Variants in PCDHGA10 observed in about 807,000 individuals in gnomAD.
PCDHGA10 encodes protocadherin gamma-A10.
In PCDHGA10, 42 loss-of-function variants were observed where a neutral mutation model predicts 59.5. The ratio of observed to expected loss-of-function variants is 0.71; its 90% CI spans 0.55 to 0.91. PCDHGA10 has a LOEUF of 0.91. PCDHGA10 is among the 40% of genes least tolerant of loss of function. The pLI is 0.00. For synonymous variants in PCDHGA10, 511 were observed against 517.2 expected (o/e 0.99, Z 0.16); for missense variants, 1,111 against 1,198.2 (o/e 0.93, Z 1.07).
intron 1 of PCDHGA10, chr5:141,420,969 A>G (rs2096536141): frequency 2.3e-6 from 1 of 443,064 alleles, no homozygotes; most frequent in Admixed American, 4.0e-5. Flanking sequence ...TTGCAATAAT[A>G]AGAATGGGCT....
intron 2 of PCDHGA10, among the ~76,000 whole-genome samples, chr5:141,497,522 G>A (rs998999424): frequency 3.3e-5 from 5 of 150,848 alleles, no homozygotes; most frequent in African/African-American, 4.9e-5. Flanking sequence ...TAGTTAACTT[G>A]TGGAGGATGC....
At chr5:141,448,523 A>G (rs2098593853) in intron 1 of PCDHGA10, among the ~76,000 whole-genome samples, 1 of 152,166 alleles carries the variant, frequency 6.6e-6, no homozygotes, top group African/African-American at 2.4e-5. Context: ...TTTATTAAGC[A>G]TCCTGTCAGC....
At chr5:141,422,959 C>G in intron 1 of PCDHGA10, 1 of 1,614,234 alleles carries the variant, frequency 6.2e-7, no homozygotes, top group Non-Finnish European at 8.5e-7. Flanking sequence ...TGGCGTGGAG[C>G]TGGCGCCCCG....
Position 141,512,288 on chromosome 5 carries a change from TCAGCGGAGCCCCAGCAGGAAGGGTGGGC to T in PCDHGA10, c.*1120_*1147del, listed in dbSNP as rs1375137843. The T allele has an allele frequency of 6.5e-6, 1 of 152,680 alleles. No individual in the cohort carries two copies. Among genetic ancestry groups the T allele is most frequent in the Non-Finnish European group, 1.5e-5 (1 of 68,182 alleles). The allele number at this position is 152,680 out of a possible 1,614,324, so 9.5% of individuals were successfully genotyped here. ...TCCAGAGGTGCCACTGGTGGAAGGG[TCAGCGGAGCCCCAGCAGGAAGGGTGGGC>T]CAGCCAGGCCATTCTTAGTCCCTGG... On this transcript the variant is annotated 3_prime_UTR_variant, in exon 4 of 4. Coordinates refer to ENST00000398610, the MANE Select transcript of PCDHGA10 (RefSeq NM_018913.3).
chr5:141,477,951 G>T lies in PCDHGA10; in HGVS notation c.2437-16856G>T. 3 of 1,614,120 alleles carry T rather than the reference G, an allele frequency of 1.9e-6. No homozygotes were observed. The highest frequency in any genetic ancestry group is 2.5e-6 in the Non-Finnish European group (3 of 1,180,024). Reference sequence around the variant, plus strand: ...GCCTGGCTCTCCTACAGTCTCTTGGGATCCCCTAACCAGAGCCTTTTTGCC... The same window carrying T: ...GCCTGGCTCTCCTACAGTCTCTTGGTATCCCCTAACCAGAGCCTTTTTGCC... On this transcript the variant is annotated intron_variant, in intron 1 of 3. Transcript: ENST00000398610. The surrounding 1 kb of genome is among the most constrained non-coding windows in gnomAD (Gnocchi z 4.9).
At chr5:141,426,427 G>A in intron 1 of PCDHGA10, 2 of 293,710 alleles carry the variant, frequency 6.8e-6, no homozygotes, top group Non-Finnish European at 1.3e-5. Context: ...CTCCGTGGTG[G>A]GGAACCTTGC....
At position 141,447,140 on chromosome 5, in the gene PCDHGA10, T is replaced by C. The variant is rs770212881; in HGVS notation, c.2436+31529T>C. ...ATGGATTTTTTTGTTTGTTTGTTTT[T>C]TGTTTTTGTTTTTGTTTAAGCGGGG... On this transcript the variant is annotated intron_variant, in intron 1 of 3. Coordinates refer to ENST00000398610, the MANE Select transcript of PCDHGA10 (RefSeq NM_018913.3). Among the ~76,000 whole-genome samples the C allele has an allele frequency of 6.6e-5, 10 of 152,158 alleles. 1 individual carries two copies. Among genetic ancestry groups the C allele is most frequent in the Non-Finnish European group, 1.2e-4 (8 of 68,042 alleles).
chr5:141,415,684 A>G, intron 1 of PCDHGA10, 73 bp downstream of exon 1: 2 of 1,437,842 alleles, frequency 1.4e-6, no homozygotes, highest in Non-Finnish European at 1.9e-6. Flanking sequence ...TTGCGGCATG[A>G]TGGTGGAAAG....
intron 1 of PCDHGA10, among the ~76,000 whole-genome samples, chr5:141,437,926 T>C (rs1374182368): frequency 2.6e-5 from 4 of 152,058 alleles, no homozygotes; most frequent in Admixed American, 1.3e-4. Context: ...TTAGTAGAGA[T>C]GGGGTTTCAC....
At chr5:141,419,184 T>A in intron 1 of PCDHGA10, 1 of 1,613,938 alleles carries the variant, frequency 6.2e-7, no homozygotes, top group Non-Finnish European at 8.5e-7. Context: ...ACCCTGCACA[T>A]TACTGACGTC....
intron 1 of PCDHGA10, chr5:141,423,638 A>G (rs771989468): frequency 2.5e-6 from 4 of 1,598,292 alleles, no homozygotes; most frequent in Non-Finnish European, 3.4e-6. Context: ...ATTTTAGGCA[A>G]ATGTGACCCG....
rs2099615817 is a variant in PCDHGA10 at position 141,485,564 on chromosome 5, C to G, written c.2437-9243C>G. On this transcript the variant is annotated intron_variant, in intron 1 of 3. Coordinates refer to ENST00000398610, the MANE Select transcript of PCDHGA10 (RefSeq NM_018913.3). This position sits in a 1 kb window ranked among gnomAD's most constrained non-coding sequence, Gnocchi z 5.7. ...GATCGTAGATGTGAATGATCACGCCCCCCGTTTTCCGCGGCAGCAGCTGGA... is the reference window on the plus strand; with the variant it reads ...GATCGTAGATGTGAATGATCACGCCGCCCGTTTTCCGCGGCAGCAGCTGGA... 6.2e-7 allele frequency: 1 copy of G among 1,612,958 alleles called. No individual in the cohort carries two copies. The highest frequency in any genetic ancestry group is 8.5e-7 in the Non-Finnish European group (1 of 1,179,052).
In PCDHGA10 at chr5:141,432,976, C is replaced by T; in HGVS notation, c.2436+17365C>T. 1 of 1,614,210 alleles carries T rather than the reference C, an allele frequency of 6.2e-7. No individual in the cohort carries two copies. On this transcript the variant is annotated intron_variant, in intron 1 of 3. Transcript: ENST00000398610. The surrounding 1 kb of genome is among the most constrained non-coding windows in gnomAD (Gnocchi z 6.0). Reference sequence around the variant, plus strand: ...GCTTGACAGGAGCGCCGGCGTCGCACTTTGTGGGCGTGGACGGGGTGCAGG... The same window carrying T: ...GCTTGACAGGAGCGCCGGCGTCGCATTTTGTGGGCGTGGACGGGGTGCAGG...
At position 141,431,392 on chromosome 5, in the gene PCDHGA10, C is replaced by T. The variant is rs572129534; in HGVS notation, c.2436+15781C>T. 3 of 1,613,888 alleles carry T rather than the reference C, an allele frequency of 1.9e-6. No homozygotes were observed. Among genetic ancestry groups the T allele is most frequent in the Non-Finnish European group, 2.5e-6 (3 of 1,180,048 alleles). On this transcript the variant is annotated intron_variant, in intron 1 of 3. Transcript: ENST00000398610. The surrounding 1 kb of genome is among the most constrained non-coding windows in gnomAD (Gnocchi z 4.8). ...AAGAAAAGGCTGCTCACCACCTGGT[C>T]CTTACGGCCTCCGACGGGGGCGACC... is the stretch of plus-strand genomic sequence containing the variant.
At chr5:141,478,838 T>C (rs1439577444) in intron 1 of PCDHGA10, 1 of 1,426,484 alleles carries the variant, frequency 7.0e-7, no homozygotes, top group Non-Finnish European at 9.2e-7. Flanking sequence ...TAAGGGATGG[T>C]TAAGCTAAAA....
chr5:141,425,528 C>T (rs2096881702), intron 1 of PCDHGA10, among the ~76,000 whole-genome samples: 1 of 152,200 alleles, frequency 6.6e-6, no homozygotes, highest in African/African-American at 2.4e-5. Context: ...AAACATGAAA[C>T]AATAATCCTT....
intron 1 of PCDHGA10, among the ~76,000 whole-genome samples, chr5:141,483,057 C>T (rs1329609397): frequency 6.6e-6 from 1 of 152,028 alleles, no homozygotes; most frequent in African/African-American, 2.4e-5. Flanking sequence ...TGCACTCCAG[C>T]ATGGGCAACA....
intron 1 of PCDHGA10, chr5:141,426,995 C>A (rs772977735): frequency 2.2e-6 from 1 of 456,694 alleles, no homozygotes; most frequent in South Asian, 1.5e-5. Context: ...ACGATAATGC[C>A]CCAGTTTTTA....
Position 141,489,564 on chromosome 5 carries a change from G to A in PCDHGA10, c.2437-5243G>A, listed in dbSNP as rs375200685. The A allele has an allele frequency of 1.9e-6, 3 of 1,613,980 alleles. No homozygotes were observed. Among genetic ancestry groups the A allele is most frequent in the Non-Finnish European group, 1.7e-6 (2 of 1,180,020 alleles). On this transcript the variant is annotated intron_variant, in intron 1 of 3. Transcript: ENST00000398610. This position sits in a 1 kb window ranked among gnomAD's most constrained non-coding sequence, Gnocchi z 4.5. Reference sequence around the variant, plus strand: ...CCAGCTGCCTGCTGCCAGTGCAGGTGGTGACTGAACACCCCCTGGAGCTAA... The same window carrying A: ...CCAGCTGCCTGCTGCCAGTGCAGGTAGTGACTGAACACCCCCTGGAGCTAA...
Sources: allele counts gnomAD v4.1 joint callset (sites outside exome capture counted in the v4.1 genomes callset), GRCh38; gene constraint gnomAD v4.1.1; non-coding constraint Gnocchi (gnomAD v3.1); transcripts MANE v1.5; gene names NCBI Gene and HGNC (gene_info 2026-07-23, HGNC 2026-07-21).